Variants in CASZ1 observed in about 807,000 individuals in gnomAD.
CASZ1 encodes the protein castor zinc finger 1.
CASZ1 carries 28 observed loss-of-function variants against 135.2 expected under a neutral mutation model. That is an observed-to-expected ratio of 0.21 (90% CI 0.15 to 0.28). The LOEUF is 0.28. Ranked by LOEUF, CASZ1 falls within the 10% of genes least tolerant of loss-of-function variation. The probability of loss-of-function intolerance (pLI) is 1.00; values close to 1 mark genes in which losing one functional copy is unlikely to be tolerated. For missense variants in CASZ1, 2,161 were observed against 2,453.3 expected, an observed-to-expected ratio of 0.88 and a Z score of 2.52; for synonymous variants, 1,068 against 1,073.4, an observed-to-expected ratio of 0.99 and a Z score of 0.10.
chr1:10,662,737 C>T (rs1372556155), intron 5 of CASZ1, among the ~76,000 whole-genome samples: 1 of 152,126 alleles, frequency 6.6e-6, no homozygotes, highest in East Asian at 1.9e-4. Flanking sequence ...TCACAGACAC[C>T]ACACACTCAC....
At chr1:10,796,280 G>C (rs1170758682) in intron 1 of CASZ1, among the ~76,000 whole-genome samples, 1 of 151,988 alleles carries the variant, frequency 6.6e-6, no homozygotes, top group African/African-American at 2.4e-5. Context: ...GCCGCGCGCC[G>C]GGCATTCCCC....
chr1:10,712,455 T>C (rs954094733), intron 2 of CASZ1, among the ~76,000 whole-genome samples: 6 of 152,202 alleles, frequency 3.9e-5, no homozygotes, highest in African/African-American at 1.4e-4. Context: ...TAAAATGATA[T>C]CGCTTTTTTA....
intron 2 of CASZ1, among the ~76,000 whole-genome samples, chr1:10,736,903 G>A (rs1001443483): frequency 2.0e-5 from 3 of 152,232 alleles, no homozygotes; most frequent in African/African-American, 4.8e-5. Flanking sequence ...GGGCCTGCAG[G>A]TGCTCCTGGG....
In CASZ1 at chr1:10,679,794, C is replaced by G. The variant is rs1043523883; in HGVS notation, c.16+14080G>C. Among the ~76,000 whole-genome samples, 10 of 152,236 alleles carry G rather than the reference C, an allele frequency of 6.6e-5. No homozygotes were observed. Among genetic ancestry groups the G allele is most frequent in the African/African-American group, 2.4e-4 (10 of 41,460 alleles). ...GGGTCCGGCCCAACCTGGGCTCCAG[C>G]TGATTAAGGATCTGCAACAGGATGT... is the stretch of plus-strand genomic sequence containing the variant. On this transcript the variant is annotated intron_variant, in intron 4 of 20. Coordinates refer to ENST00000377022, the MANE Select transcript of CASZ1 (RefSeq NM_001079843.3). This position sits in a 1 kb window ranked among gnomAD's most constrained non-coding sequence, Gnocchi z 4.7.
In CASZ1 at chr1:10,637,494, G is replaced by A. The variant is rs1354286538; in HGVS notation, c.*1448C>T. 1.3e-5 allele frequency: 2 copies of A among 152,312 alleles called. No individual in the cohort carries two copies. Among genetic ancestry groups the A allele is most frequent in the African/African-American group, 2.4e-5 (1 of 41,430 alleles). The allele number at this position is 152,312 out of a possible 1,614,324, so 9.4% of individuals were successfully genotyped here. ...CCAGGTTCCTCCTGGAGACCTCTGG[G>A]GAGGAGGCTTCTGGATGACAGCCTC... On this transcript the variant is annotated 3_prime_UTR_variant, in exon 21 of 21. Transcript: ENST00000377022.
intron 2 of CASZ1, among the ~76,000 whole-genome samples, chr1:10,734,888 A>C (rs560531630): frequency 3.0e-4 from 45 of 152,266 alleles, no homozygotes; most frequent in African/African-American, 9.6e-4. Context: ...TCTAGGGGTC[A>C]CTGTTTAAAA....
At chr1:10,680,751 C>T (rs992895300) in intron 4 of CASZ1, among the ~76,000 whole-genome samples, 6 of 152,334 alleles carry the variant, frequency 3.9e-5, no homozygotes, top group African/African-American at 9.6e-5. Flanking sequence ...CTGAAGCCTC[C>T]GTCCCACCCC....
intron 2 of CASZ1, among the ~76,000 whole-genome samples, chr1:10,716,594 C>A (rs1476671092): frequency 6.6e-6 from 1 of 152,094 alleles, no homozygotes. Context: ...AGCAGCAGAA[C>A]GAATGCCCCG....
At chr1:10,690,187 G>T (rs370548637) in intron 4 of CASZ1, among the ~76,000 whole-genome samples, 2 of 152,340 alleles carry the variant, frequency 1.3e-5, no homozygotes, top group South Asian at 4.1e-4. Flanking sequence ...CTCAGTCCCC[G>T]GTGCCTGGCA....
chr1:10,763,565 G>A (rs938874330), intron 1 of CASZ1, among the ~76,000 whole-genome samples: 4 of 152,188 alleles, frequency 2.6e-5, no homozygotes, highest in South Asian at 4.2e-4. Flanking sequence ...AATCTACCCC[G>A]GGTGGCCCCA....
rs747495658 is a variant in CASZ1 at position 10,649,398 on chromosome 1, T to A, written c.2920A>T (p.Ile974Phe). ...GNPGLGSLLN[I>F]KAEAEGSPAA... Reference sequence around the variant, plus strand: ...GGGCTCCCCTCCGCTTCCGCCTTGATGTTCAGCAGGCTGCCCAGGCCAGGG... The same window carrying A: ...GGGCTCCCCTCCGCTTCCGCCTTGAAGTTCAGCAGGCTGCCCAGGCCAGGG... The change falls in exon 14 of 21, where the codon ATC becomes TTC. Residue 974 changes from isoleucine to phenylalanine, a missense_variant. Around this residue, in one of 7 missense-constraint regions of CASZ1, gnomAD observed 406 missense variants for 387.6 expected, o/e 1.05. Coordinates refer to ENST00000377022, the MANE Select transcript of CASZ1 (RefSeq NM_001079843.3). 9 of 1,611,296 alleles carry A rather than the reference T, an allele frequency of 5.6e-6. No homozygotes were observed. The highest frequency in any genetic ancestry group is 7.6e-6 in the Non-Finnish European group (9 of 1,179,202).
intron 1 of CASZ1, among the ~76,000 whole-genome samples, chr1:10,790,643 C>T (rs145701152): frequency 1.5e-4 from 23 of 152,300 alleles, no homozygotes; most frequent in African/African-American, 4.1e-4. Context: ...AGATTCATTC[C>T]GTGGACTCAC....
In CASZ1 at chr1:10,645,213, A is replaced by G. The variant is rs1462746681; in HGVS notation, c.3697-125T>C. 4.9e-6 allele frequency: 4 copies of G among 813,298 alleles called. No homozygotes were observed. The African/African-American group carries it at 6.9e-5, about 14-fold the overall frequency. The allele number at this position is 813,298 out of a possible 1,614,324, so 50.4% of individuals were successfully genotyped here. On this transcript the variant is annotated intron_variant, in intron 17 of 20. Coordinates refer to ENST00000377022, the MANE Select transcript of CASZ1 (RefSeq NM_001079843.3). Reference sequence around the variant, plus strand: ...CTTCTCTGCTCAGAAGCTGATGATCATAGAAACACCTTTCACATGTTAAAA... The same window carrying G: ...CTTCTCTGCTCAGAAGCTGATGATCGTAGAAACACCTTTCACATGTTAAAA...
At chr1:10,703,915 A>G (rs554365295) in intron 3 of CASZ1, among the ~76,000 whole-genome samples, 1 of 152,316 alleles carries the variant, frequency 6.6e-6, no homozygotes, top group East Asian at 1.9e-4. Flanking sequence ...CTGTGGGTCA[A>G]AGGGCTCTGC....
chr1:10,722,069 G>A (rs1164501806), intron 2 of CASZ1, among the ~76,000 whole-genome samples: 3 of 152,202 alleles, frequency 2.0e-5, no homozygotes, highest in Admixed American at 6.5e-5. Context: ...CCAGGCATCC[G>A]CTGTGTCTGG....
chr1:10,642,759 A>G, intron 20 of CASZ1, 100 bp downstream of exon 20: 1 of 1,367,918 alleles, frequency 7.3e-7, no homozygotes, highest in South Asian at 1.4e-5. Flanking sequence ...TCCTCCTCGG[A>G]GGCCGCGTGC....
chr1:10,646,454 C>T lies in CASZ1; in HGVS notation c.3498-128G>A. ...GTACCACCAAGAGGGATGGCCTGGG[C>T]TGCTGTCCTGCTCAACAGGATGACT... On this transcript the variant is annotated intron_variant, in intron 16 of 20. Coordinates refer to ENST00000377022, the MANE Select transcript of CASZ1 (RefSeq NM_001079843.3). The surrounding 1 kb of genome is among the most constrained non-coding windows in gnomAD (Gnocchi z 6.4). 3.7e-6 allele frequency: 3 copies of T among 809,632 alleles called. No individual in the cohort carries two copies. Among genetic ancestry groups the T allele is most frequent in the Non-Finnish European group, 4.1e-6 (2 of 493,314 alleles). 50.2% of individuals were successfully genotyped at this position (809,632 alleles called of 1,614,324 possible). A position where few individuals can be genotyped will look rare whatever the true frequency, so the allele number is the denominator to read the frequency against.
rs923875764 is a variant in CASZ1, at chr1:10,717,504, C to T, written c.-76-11960G>A. On this transcript the variant is annotated intron_variant, in intron 2 of 20. Coordinates refer to ENST00000377022, the MANE Select transcript of CASZ1 (RefSeq NM_001079843.3). The surrounding 1 kb of genome is among the most constrained non-coding windows in gnomAD (Gnocchi z 4.6). ...CTGATAAAGCCATCAAATTCCTTAT[C>T]GCACTGACACAAAGTGCATTTAAAG... 3.3e-5 allele frequency among the ~76,000 whole-genome samples: 5 copies of T among 152,078 alleles called. No individual in the cohort carries two copies. The South Asian group carries it at 6.2e-4, about 19-fold the overall frequency.
chr1:10,640,163 C>CTCCCTAAATGCCGCCCTCT, intron 20 of CASZ1, 104 bp from the exon 21 acceptor site: 1 of 1,486,840 alleles, frequency 6.7e-7, no homozygotes. Context: ...CGCCAGAGGG[C>CTCCCTAAATGCCGCCCTCT]GGCATTTAGG....
Sources: allele counts gnomAD v4.1 joint callset (sites outside exome capture counted in the v4.1 genomes callset), GRCh38; gene constraint gnomAD v4.1.1; regional missense constraint gnomAD v4.1.1; non-coding constraint Gnocchi (gnomAD v3.1); transcripts MANE v1.5; gene names NCBI Gene and HGNC (gene_info 2026-07-23, HGNC 2026-07-21).